The following FBXO47 variants were observed in gnomAD, a reference collection of about 807,000 sequenced individuals.
FBXO47 encodes F-box protein 47.
A neutral mutation model predicts 53.9 loss-of-function variants in FBXO47; 34 were observed. The ratio of observed to expected loss-of-function variants is 0.63; its 90% confidence interval spans 0.48 to 0.84. FBXO47 has a LOEUF of 0.84. Among genes scored for constraint, FBXO47 ranks in the 40% least tolerant of loss-of-function variants. FBXO47 has a pLI of 0.00. For missense variants in FBXO47, 485 were observed against 541.3 expected (o/e 0.90, Z 1.03); for synonymous variants, 165 against 181.6 (o/e 0.91, Z 0.73).
At chr17:38,962,104 T>C (rs1220251718) in intron 2 of FBXO47, 57 bp from the exon 3 acceptor site, 7 of 1,325,692 alleles carry the variant, frequency 5.3e-6, no homozygotes, top group Non-Finnish European at 6.3e-6. Context: ...AGAACGTCAC[T>C]ATTAACACAG....
intron 4 of FBXO47, among the ~76,000 whole-genome samples, chr17:38,956,521 G>A (rs1047399472): frequency 6.6e-6 from 1 of 151,614 alleles, no homozygotes; most frequent in Non-Finnish European, 1.5e-5. Flanking sequence ...CCAGGAGGTG[G>A]AGGTTGCAGT....
chr17:38,937,604 G>A (rs551557180), intron 10 of FBXO47, among the ~76,000 whole-genome samples: 187 of 151,968 alleles, frequency 1.2e-3, no homozygotes, highest in African/African-American at 4.1e-3. Context: ...TGATCCACCC[G>A]CCTTATACGT....
At chr17:38,954,536 A>G (rs1182618345) in intron 5 of FBXO47, among the ~76,000 whole-genome samples, 1 of 152,048 alleles carries the variant, frequency 6.6e-6, no homozygotes. Flanking sequence ...ATGCACACAC[A>G]CCACCTCATA....
intron 7 of FBXO47, 71 bp from the exon 8 acceptor site, chr17:38,943,807 A>G: frequency 7.5e-7 from 1 of 1,335,340 alleles, no homozygotes; most frequent in Non-Finnish European, 1.0e-6. Flanking sequence ...TAAAAAGGAA[A>G]GTGAATTGCA....
chr17:38,953,919 T>G (rs565900656), intron 5 of FBXO47, among the ~76,000 whole-genome samples: 16 of 151,916 alleles, frequency 1.1e-4, no homozygotes, highest in Non-Finnish European at 1.9e-4. Context: ...TGAGTAGGAG[T>G]TGGTGGCTGG....
intron 3 of FBXO47, among the ~76,000 whole-genome samples, chr17:38,959,172 G>A (rs1181848287): frequency 2.0e-5 from 3 of 151,658 alleles, no homozygotes; most frequent in Non-Finnish European, 4.4e-5. Flanking sequence ...ACAACCACAG[G>A]TGCTCTGCTA....
At chr17:38,960,622 TTC>T (rs1185741508) in intron 3 of FBXO47, among the ~76,000 whole-genome samples, 3 of 151,324 alleles carry the variant, frequency 2.0e-5, no homozygotes, top group African/African-American at 7.3e-5. Flanking sequence ...TTAAAAATAA[TTC>T]TTTCTCTTTT....
intron 1 of FBXO47, among the ~76,000 whole-genome samples, chr17:38,965,733 A>G (rs976050460): frequency 7.1e-6 from 1 of 140,914 alleles, no homozygotes; most frequent in African/African-American, 2.6e-5. Context: ...AAAAAAAAAA[A>G]TTAGCCGGGC....
intron 5 of FBXO47, 69 bp from the exon 6 acceptor site, chr17:38,951,758 T>C (rs1905301604): frequency 8.2e-7 from 1 of 1,221,942 alleles, no homozygotes; most frequent in East Asian, 2.4e-5. Context: ...ACACCAGGCA[T>C]GGTGGCTCAC....
intron 6 of FBXO47, among the ~76,000 whole-genome samples, chr17:38,951,351 T>C (rs1417920159): frequency 6.6e-6 from 1 of 151,970 alleles, no homozygotes; most frequent in Non-Finnish European, 1.5e-5. Context: ...CACACCACCA[T>C]GCCTGGATAA....
intron 4 of FBXO47, among the ~76,000 whole-genome samples, chr17:38,955,456 T>C (rs1031773155): frequency 4.6e-5 from 7 of 151,188 alleles, no homozygotes; most frequent in Non-Finnish European, 1.0e-4. Context: ...TTTATTTTTA[T>C]TTTTTATGAT....
intron 1 of FBXO47, among the ~76,000 whole-genome samples, chr17:38,966,316 C>G (rs376682797): frequency 6.6e-6 from 1 of 152,158 alleles, no homozygotes; most frequent in Non-Finnish European, 1.5e-5. Context: ...ATTCTCCTGC[C>G]TCAGCCTCCC....
At chr17:38,962,530 C>T (rs541816306) in intron 2 of FBXO47, among the ~76,000 whole-genome samples, 84 of 151,526 alleles carry the variant, frequency 5.5e-4, no homozygotes, top group African/African-American at 1.7e-3. Flanking sequence ...AGCTTGAACC[C>T]GGGAAGTGGA....
chr17:38,961,099 T>A lies in FBXO47; in HGVS notation c.352+778A>T, dbSNP rs192971816. On this transcript the variant is annotated intron_variant, in intron 3 of 10. Coordinates refer to ENST00000378079, the MANE Select transcript of FBXO47 (RefSeq NM_001008777.3). ...AAACAGGTAATCATCAAATACATTT[T>A]GATATATTTACATATCCACATATTC... is the stretch of plus-strand genomic sequence containing the variant. Among the ~76,000 whole-genome samples the A allele has an allele frequency of 2.3e-3, 347 of 152,326 alleles. 1 individual carries two copies. The highest frequency in any genetic ancestry group is 8.1e-3 in the African/African-American group (338 of 41,578).
At chr17:38,941,774 A>G (rs897089092) in intron 9 of FBXO47, among the ~76,000 whole-genome samples, 2 of 151,100 alleles carry the variant, frequency 1.3e-5, no homozygotes, top group Non-Finnish European at 2.9e-5. Flanking sequence ...CCCAGGCTCA[A>G]TCAATCCTCC....
chr17:38,958,080 C>T (rs1303820759), intron 3 of FBXO47, among the ~76,000 whole-genome samples: 4 of 152,114 alleles, frequency 2.6e-5, no homozygotes, highest in Non-Finnish European at 5.9e-5. Flanking sequence ...CCGCCTGCCT[C>T]GGCCTCCCAA....
chr17:38,948,516 C>T (rs1428676225), intron 6 of FBXO47, among the ~76,000 whole-genome samples: 2 of 151,974 alleles, frequency 1.3e-5, no homozygotes, highest in Non-Finnish European at 2.9e-5. Flanking sequence ...CGCCCCGCCC[C>T]TATTCTGGAT....
intron 6 of FBXO47, among the ~76,000 whole-genome samples, chr17:38,946,428 AAATATATATGAATATATAT>A (rs1904851437): frequency 3.1e-5 from 3 of 96,874 alleles, no homozygotes. Context: ...ATAACTATAT[AAATATATATGAATATATAT>A]AACTATATAA....
chr17:38,946,046 TAAA>T (rs1291098293), intron 6 of FBXO47, among the ~76,000 whole-genome samples: 13 of 105,414 alleles, frequency 1.2e-4, no homozygotes, highest in East Asian at 1.0e-3. Context: ...TAAATATATA[TAAA>T]ATATATAAAT....
Sources: gnomAD v4.1 joint callset for allele counts (sites outside exome capture counted in the v4.1 genomes callset) on GRCh38, gnomAD v4.1.1 for gene constraint, MANE v1.5 for transcripts, NCBI Gene and HGNC (gene_info 2026-07-23, HGNC 2026-07-21) for gene names.